The following METTL8 variants were observed in gnomAD, a reference collection of about 807,000 sequenced individuals.
METTL8 encodes the protein methyltransferase 8, tRNA N3-cytidine.
METTL8 carries 32 observed loss-of-function variants against 48.7 expected under a neutral mutation model. The ratio of observed to expected loss-of-function variants is 0.66; its 90% CI spans 0.50 to 0.88. The LOEUF (loss-of-function observed/expected upper bound fraction) is 0.88, where lower values mean the gene tolerates loss of function less well. METTL8 is among the 40% of genes least tolerant of loss of function. The probability of loss-of-function intolerance (pLI) is 0.00; values close to 1 mark genes in which losing one functional copy is unlikely to be tolerated. For synonymous variants in METTL8, 136 were observed against 157.1 expected, an observed-to-expected ratio of 0.87 and a Z score of 1.01; for missense variants, 464 against 474.4, an observed-to-expected ratio of 0.98 and a Z score of 0.20.
In METTL8 at chr2:171,341,029, C is replaced by T. The variant is rs936512624; in HGVS notation, c.236-1475G>A. On this transcript the variant is annotated intron_variant, in intron 3 of 9. Transcript: ENST00000375258. ...GCTTTCTGCCTCTTCCTATTTGCTCCTTAAATTAATAAAGTAAGGGCCGGG... is the reference window on the plus strand; with the variant it reads ...GCTTTCTGCCTCTTCCTATTTGCTCTTTAAATTAATAAAGTAAGGGCCGGG... 1.5e-3 allele frequency among the ~76,000 whole-genome samples: 225 copies of T among 151,714 alleles called. 3 individuals are homozygous for T. The highest frequency in any genetic ancestry group is 3.8e-4 in the Non-Finnish European group (26 of 67,918).
intron 1 of METTL8, among the ~76,000 whole-genome samples, chr2:171,411,623 GA>G (rs1219938692): frequency 6.6e-6 from 1 of 151,420 alleles, no homozygotes; most frequent in Admixed American, 6.6e-5. Context: ...CACCCGTTTG[GA>G]AAAAAAAGGT....
intron 4 of METTL8, among the ~76,000 whole-genome samples, chr2:171,337,986 AACAG>A (rs1266018374): frequency 5.9e-5 from 9 of 152,224 alleles, no homozygotes; most frequent in African/African-American, 1.4e-4. Flanking sequence ...GGTGTGATGA[AACAG>A]ACATACACTG....
chr2:171,345,894 A>G (rs1312572193), intron 3 of METTL8, among the ~76,000 whole-genome samples: 1 of 152,234 alleles, frequency 6.6e-6, no homozygotes, highest in African/African-American at 2.4e-5. Context: ...ATTTCTCTGA[A>G]TTAACTTGCT....
At chr2:171,369,710 T>C (rs1370735228) in intron 2 of METTL8, among the ~76,000 whole-genome samples, 1 of 152,146 alleles carries the variant, frequency 6.6e-6, no homozygotes, top group Non-Finnish European at 1.5e-5. Context: ...AAATAATTCC[T>C]AAAACAGAAT....
intron 1 of METTL8, among the ~76,000 whole-genome samples, chr2:171,413,252 C>T (rs188156183): frequency 6.6e-6 from 1 of 152,176 alleles, no homozygotes; most frequent in Admixed American, 6.5e-5. Context: ...AAGTAGAATA[C>T]CCATATTCAT....
At chr2:171,416,270 A>G (rs1559205958) in intron 1 of METTL8, among the ~76,000 whole-genome samples, 1 of 152,210 alleles carries the variant, frequency 6.6e-6, no homozygotes, top group Non-Finnish European at 1.5e-5. Flanking sequence ...TCTGCTGGTC[A>G]TCTCTACACC....
At position 171,339,380 on chromosome 2, in the gene METTL8, G is replaced by C. The variant is rs185190720; in HGVS notation, c.410C>G (p.Ala137Gly). 7 of 1,613,130 alleles carry C rather than the reference G, an allele frequency of 4.3e-6. No homozygotes were observed. The East Asian group carries it at 1.6e-4, about 36-fold the overall frequency. The stretch of plus-strand genomic sequence containing the variant: ...GTGCATTCTTGAGAAACGATTTGTA[G>C]CACTAGTTTTTACATGATCCCATGA... ...ESSWDHVKTS[A>G]TNRFSRMHCP... Residue 137 changes from alanine to glycine, a missense_variant, in exon 4 of 10, where the codon GCT becomes GGT. Ala to Gly is a moderately conservative substitution (Grantham distance 60). Coordinates refer to ENST00000375258, the MANE Select transcript of METTL8 (RefSeq NM_001321154.2).
At chr2:171,345,977 A>T (rs1687224612) in intron 3 of METTL8, among the ~76,000 whole-genome samples, 1 of 152,178 alleles carries the variant, frequency 6.6e-6, no homozygotes, top group Non-Finnish European at 1.5e-5. Context: ...AAAAATCATT[A>T]ATCTGGGCAA....
chr2:171,430,724 C>A (rs1422283961), intron 1 of METTL8, among the ~76,000 whole-genome samples: 1 of 151,942 alleles, frequency 6.6e-6, no homozygotes, highest in African/African-American at 2.4e-5. Flanking sequence ...GGGGTGGGTC[C>A]CCAGTGAAAC....
intron 7 of METTL8, 47 bp downstream of exon 7, chr2:171,330,512 G>A (rs1559049632): frequency 1.3e-6 from 2 of 1,571,898 alleles, no homozygotes; most frequent in Non-Finnish European, 1.7e-6. Context: ...AACCACTACT[G>A]ATAAAGGAGC....
chr2:171,372,762 C>T (rs575486946), intron 2 of METTL8, among the ~76,000 whole-genome samples: 2 of 152,244 alleles, frequency 1.3e-5, no homozygotes, highest in South Asian at 4.1e-4. Context: ...CGATAGTTTG[C>T]TGAGAATGAT....
chr2:171,424,549 C>A (rs886626279), intron 1 of METTL8, among the ~76,000 whole-genome samples: 1 of 152,210 alleles, frequency 6.6e-6, no homozygotes, highest in Non-Finnish European at 1.5e-5. Flanking sequence ...CAAAGGAGAT[C>A]ATTTTGGAAC....
At chr2:171,357,129 T>C (rs572829612) in intron 3 of METTL8, among the ~76,000 whole-genome samples, 8 of 151,980 alleles carry the variant, frequency 5.3e-5, no homozygotes, top group Non-Finnish European at 1.0e-4. Flanking sequence ...AGCTAATTTT[T>C]TGTATTTTTA....
In METTL8 at chr2:171,316,085, A is replaced by G. The variant is rs1684250928; in HGVS notation, c.*8087T>C. The stretch of plus-strand genomic sequence containing the variant: ...TCGTGCACATGATCAGCTTTTGCAC[A>G]TGCTTGGAGGAAAAACAACACTATT... On this transcript the variant is annotated 3_prime_UTR_variant, in exon 10 of 10. Coordinates refer to ENST00000375258, the MANE Select transcript of METTL8 (RefSeq NM_001321154.2). Among the ~76,000 whole-genome samples, 2 of 152,376 alleles carry G rather than the reference A, an allele frequency of 1.3e-5. No homozygotes were observed. Among genetic ancestry groups the G allele is most frequent in the South Asian group, 4.1e-4 (2 of 4,834 alleles).
At chr2:171,325,811 C>T in intron 9 of METTL8, 30 bp downstream of exon 9, 1 of 1,320,256 alleles carries the variant, frequency 7.6e-7, no homozygotes, top group Non-Finnish European at 1.1e-6. Flanking sequence ...ACGATTATGA[C>T]CAATTATTTC....
chr2:171,434,597 C>T (rs1286753301), upstream of METTL8: 1 of 1,528,044 alleles, frequency 6.5e-7, no homozygotes, highest in Non-Finnish European at 8.7e-7. Context: ...ACCCGGAAGC[C>T]CAACGTGTGC....
chr2:171,424,706 T>C (rs1413621431), intron 1 of METTL8, among the ~76,000 whole-genome samples: 1 of 152,252 alleles, frequency 6.6e-6, no homozygotes, highest in Non-Finnish European at 1.5e-5. Context: ...TAACTTGCTT[T>C]TGATTTTACA....
chr2:171,432,187 G>A (rs1237542857), intron 1 of METTL8, among the ~76,000 whole-genome samples: 6 of 152,120 alleles, frequency 3.9e-5, no homozygotes, highest in African/African-American at 1.2e-4. Context: ...GGCCTGGGTA[G>A]GTCTCCAGCT....
At chr2:171,375,341 G>C (rs896005754) in intron 2 of METTL8, 4 of 675,978 alleles carry the variant, frequency 5.9e-6, no homozygotes, top group Non-Finnish European at 1.1e-5. Flanking sequence ...TTCCTCGTTA[G>C]CATAGTGGTG....
Sources: gnomAD v4.1 joint callset for allele counts (sites outside exome capture counted in the v4.1 genomes callset) on GRCh38, gnomAD v4.1.1 for gene constraint, MANE v1.5 for transcripts, NCBI Gene and HGNC (gene_info 2026-07-23, HGNC 2026-07-21) for gene names.